The following WWP2 variants were observed in gnomAD, a reference collection of about 807,000 sequenced individuals.
The protein encoded by WWP2 is NEDD4-like E3 ubiquitin-protein ligase WWP2.
WWP2 carries 57 observed loss-of-function variants against 121.0 expected under a neutral mutation model. The observed-to-expected ratio is 0.47, with a 90% confidence interval of 0.38 to 0.59. The LOEUF is 0.59. Among genes scored for constraint, WWP2 ranks in the 20% least tolerant of loss-of-function variants. WWP2 has a pLI of 0.00. For synonymous variants in WWP2, 449 were observed against 441.3 expected, an observed-to-expected ratio of 1.02 and a Z score of -0.22; for missense variants, 962 against 1,158.9, an observed-to-expected ratio of 0.83 and a Z score of 2.47.
At chr16:69,918,247 C>T (rs1157683427) in intron 10 of WWP2, among the ~76,000 whole-genome samples, 1 of 152,084 alleles carries the variant, frequency 6.6e-6, no homozygotes, top group African/African-American at 2.4e-5. Context: ...AAAGCAATCA[C>T]CAGGCAACAT....
At chr16:69,900,448 G>A (rs1263487726) in intron 8 of WWP2, among the ~76,000 whole-genome samples, 2 of 152,104 alleles carry the variant, frequency 1.3e-5, no homozygotes, top group Admixed American at 1.3e-4. Flanking sequence ...GGGTAATATG[G>A]CGAGACTCTG....
chr16:69,930,136 C>G lies in WWP2; in HGVS notation c.1323C>G (p.Ile441Met). The G allele has an allele frequency of 5.0e-6, 8 of 1,614,064 alleles. No homozygotes were observed. Among genetic ancestry groups the G allele is most frequent in the South Asian group, 1.1e-5 (1 of 91,048 alleles). Residue 441 changes from isoleucine (I) to methionine (M), a missense_variant, in exon 13 of 24, where the codon ATC becomes ATG. Transcript: ENST00000359154. Reference sequence around the variant, plus strand: ...TTTCTTCCCGTGTTTCCAGGATGATCCAGGAACCAGCTCTGCCCCCAGGAT... The same window carrying G: ...TTTCTTCCCGTGTTTCCAGGATGATGCAGGAACCAGCTCTGCCCCCAGGAT... ...QWEDPRTQGM[I>M]QEPALPPGWE... is the part of the protein sequence containing the mutation.
intron 1 of WWP2, among the ~76,000 whole-genome samples, chr16:69,786,271 G>A (rs1039844675): frequency 6.6e-6 from 1 of 151,030 alleles, no homozygotes; most frequent in Non-Finnish European, 1.5e-5. Flanking sequence ...ACCCTCCTGA[G>A]TAGCTGGGAT....
chr16:69,796,401 C>T (rs981344582), intron 2 of WWP2, among the ~76,000 whole-genome samples: 3 of 152,324 alleles, frequency 2.0e-5, no homozygotes, highest in Non-Finnish European at 4.4e-5. Flanking sequence ...GTGCTCAGGA[C>T]ACTTCGATAT....
At chr16:69,773,139 G>A (rs966428635) in intron 1 of WWP2, among the ~76,000 whole-genome samples, 4 of 151,940 alleles carry the variant, frequency 2.6e-5, no homozygotes, top group East Asian at 1.9e-4. Flanking sequence ...CAGTCCTGAC[G>A]GGGAGCTCCT....
chr16:69,855,717 C>T (rs1434011993), intron 6 of WWP2, among the ~76,000 whole-genome samples: 2 of 152,062 alleles, frequency 1.3e-5, no homozygotes, highest in East Asian at 1.9e-4. Context: ...GTTGGAAAGG[C>T]CTTAAGTTAG....
At chr16:69,821,815 C>T (rs1313301472) in intron 4 of WWP2, among the ~76,000 whole-genome samples, 9 of 150,938 alleles carry the variant, frequency 6.0e-5, no homozygotes, top group Non-Finnish European at 1.0e-4. Context: ...ATCTCGGCCT[C>T]CCAAAGAGCT....
intron 4 of WWP2, among the ~76,000 whole-genome samples, chr16:69,812,176 T>C (rs1051469662): frequency 9.5e-4 from 139 of 146,932 alleles, no homozygotes; most frequent in Admixed American, 2.6e-3. Flanking sequence ...TTTTTTTTTT[T>C]TTTTTTTTGA....
chr16:69,906,978 C>T (rs2058304661), intron 8 of WWP2, among the ~76,000 whole-genome samples: 2 of 152,142 alleles, frequency 1.3e-5, no homozygotes, highest in Admixed American at 6.6e-5. Flanking sequence ...TTGTCAATGA[C>T]ACATTAAAAA....
intron 4 of WWP2, among the ~76,000 whole-genome samples, chr16:69,812,476 C>G: frequency 7.9e-6 from 1 of 125,860 alleles, no homozygotes; most frequent in East Asian, 2.2e-4. Flanking sequence ...CAACCCCCCC[C>G]CTTTTTTTTT....
chr16:69,828,848 T>G (rs1357906572), intron 4 of WWP2, among the ~76,000 whole-genome samples: 1 of 152,130 alleles, frequency 6.6e-6, no homozygotes, highest in Admixed American at 6.6e-5. Context: ...CCTTCCTCTC[T>G]ATGCAAACCA....
At chr16:69,857,979 A>G (rs1157966860) in intron 6 of WWP2, among the ~76,000 whole-genome samples, 1 of 152,156 alleles carries the variant, frequency 6.6e-6, no homozygotes, top group African/African-American at 2.4e-5. Flanking sequence ...ACAAAATGAC[A>G]CAAAGAAAAT....
rs1302744038 is a variant in WWP2 at position 69,790,203 on chromosome 16, C to T, written c.70+3123C>T. Among the ~76,000 whole-genome samples, 8 of 152,306 alleles carry T rather than the reference C, an allele frequency of 5.3e-5. No individual in the cohort carries two copies. In the East Asian group the frequency reaches 1.5e-3, roughly 29 times the overall value. On this transcript the variant is annotated intron_variant, in intron 2 of 23. Coordinates refer to ENST00000359154, the MANE Select transcript of WWP2 (RefSeq NM_001270454.2). ...CCGAGGTTGCTGTGAGCCGAGACCA[C>T]ACCATTGCACTCCAGCCTGGGCAAC...
chr16:69,930,305 G>C (rs1317813553), intron 13 of WWP2, 47 bp downstream of exon 13: 1 of 1,603,342 alleles, frequency 6.2e-7, no homozygotes. Context: ...CCGAGGCCCA[G>C]GCTGTCCTTG....
At chr16:69,936,873 G>C (rs767743806) in intron 19 of WWP2, 1 of 520,866 alleles carries the variant, frequency 1.9e-6, no homozygotes, top group East Asian at 3.4e-5. Context: ...CTGAGGTTCA[G>C]TCGGCGCTGG....
At chr16:69,806,949 TATTTATTCATTCATTC>T (rs1241937412) in intron 4 of WWP2, among the ~76,000 whole-genome samples, 56 of 146,244 alleles carry the variant, frequency 3.8e-4, no homozygotes, top group African/African-American at 1.2e-3. Flanking sequence ...TTTATTTATT[TATTTATTCATTCATTC>T]ATTCATTCAT....
chr16:69,827,761 G>A (rs768136487), intron 4 of WWP2: 4 of 401,216 alleles, frequency 1.0e-5, no homozygotes, highest in Non-Finnish European at 2.0e-5. Flanking sequence ...CCTGGGCAGG[G>A]GATTAATGGT....
At chr16:69,823,267 T>G (rs1009665220) in intron 4 of WWP2, among the ~76,000 whole-genome samples, 7 of 152,226 alleles carry the variant, frequency 4.6e-5, no homozygotes, top group Admixed American at 4.6e-4. Flanking sequence ...TACATACTTT[T>G]TGGCCTCAGG....
At chr16:69,838,943 T>A in intron 4 of WWP2, 1 of 972,118 alleles carries the variant, frequency 1.0e-6, no homozygotes, top group African/African-American at 1.8e-5. Flanking sequence ...CAGAATTTTC[T>A]GCTAAGTTCT....
Sources: allele counts gnomAD v4.1 joint callset (sites outside exome capture counted in the v4.1 genomes callset), GRCh38; gene constraint gnomAD v4.1.1; transcripts MANE v1.5; gene names NCBI Gene and HGNC (gene_info 2026-07-23, HGNC 2026-07-21).